Variants in MCC observed in about 807,000 individuals in gnomAD.
MCC encodes colorectal mutant cancer protein.
In MCC, 90 loss-of-function variants were observed where a neutral mutation model predicts 116.2. The observed-to-expected ratio is 0.77, with a 90% confidence interval of 0.65 to 0.92. MCC has a LOEUF of 0.92. Ranked by LOEUF, MCC falls within the 40% of genes least tolerant of loss-of-function variation. The probability of loss-of-function intolerance (pLI) is 0.00; values close to 1 mark genes in which losing one functional copy is unlikely to be tolerated. For missense variants in MCC, 1,516 were observed against 1,312.2 expected (o/e 1.16, Z -2.40); for synonymous variants, 578 against 510.5 (o/e 1.13, Z -1.78).
chr5:113,262,240 G>C (rs999257929), intron 3 of MCC, among the ~76,000 whole-genome samples: 1 of 151,970 alleles, frequency 6.6e-6, no homozygotes, highest in Non-Finnish European at 1.5e-5. Context: ...CAGATTGCTA[G>C]CAAAAGTAAT....
At chr5:113,061,902 A>C (rs1305186155) in intron 14 of MCC, among the ~76,000 whole-genome samples, 2 of 152,244 alleles carry the variant, frequency 1.3e-5, no homozygotes, top group Non-Finnish European at 2.9e-5. Context: ...CAGAATGGCA[A>C]GATTTACAAA....
intron 4 of MCC, among the ~76,000 whole-genome samples, chr5:113,143,644 C>T (rs193018789): frequency 4.6e-5 from 7 of 152,274 alleles, no homozygotes; most frequent in East Asian, 3.9e-4. Flanking sequence ...TATTCAAGTC[C>T]CCCACTTTCC....
intron 11 of MCC, among the ~76,000 whole-genome samples, chr5:113,075,741 C>T (rs985229088): frequency 7.2e-5 from 11 of 152,196 alleles, no homozygotes; most frequent in Non-Finnish European, 1.2e-4. Flanking sequence ...AGCAGCAACC[C>T]GCTCGGGTGC....
At chr5:113,281,776 T>C (rs1766055851) in intron 3 of MCC, among the ~76,000 whole-genome samples, 1 of 152,216 alleles carries the variant, frequency 6.6e-6, no homozygotes, top group Admixed American at 6.5e-5. Flanking sequence ...TCAGCATTCC[T>C]GCATATTGTT....
At chr5:113,419,280 C>T (rs1770248023) in intron 1 of MCC, among the ~76,000 whole-genome samples, 1 of 151,844 alleles carries the variant, frequency 6.6e-6, no homozygotes, top group African/African-American at 2.4e-5. Flanking sequence ...AAGGGATCCT[C>T]CCACCTTGGC....
At chr5:113,221,288 G>T (rs1194880686) in intron 3 of MCC, among the ~76,000 whole-genome samples, 1 of 152,218 alleles carries the variant, frequency 6.6e-6, no homozygotes, top group Non-Finnish European at 1.5e-5. Context: ...TGCAAAAATT[G>T]TAACTGAGAC....
chr5:113,481,759 A>T (rs1772384223), intron 1 of MCC, among the ~76,000 whole-genome samples: 1 of 152,208 alleles, frequency 6.6e-6, no homozygotes, highest in Non-Finnish European at 1.5e-5. Flanking sequence ...AAAATAAAAA[A>T]TAAATCTTTT....
At chr5:113,456,459 A>T (rs1465263252) in intron 1 of MCC, among the ~76,000 whole-genome samples, 3 of 151,856 alleles carry the variant, frequency 2.0e-5, no homozygotes. Flanking sequence ...TCTGATGAGC[A>T]CTACCCTTTT....
intron 3 of MCC, among the ~76,000 whole-genome samples, chr5:113,310,260 G>A (rs1286514140): frequency 6.6e-6 from 1 of 152,216 alleles, no homozygotes; most frequent in Non-Finnish European, 1.5e-5. Flanking sequence ...TGAATGGAGT[G>A]CTCTTTTGCT....
chr5:113,385,017 C>T lies in MCC; in HGVS notation c.366G>A (p.Lys122=). ...SAKSDNSCTK[K]LRDRIASWPT... ...GCCAGGAAGCAATTCTATCCCTCAGCTTCTTTGTACAGGAGTTGTCTGACT... is the reference window on the plus strand; with the variant it reads ...GCCAGGAAGCAATTCTATCCCTCAGTTTCTTTGTACAGGAGTTGTCTGACT... Residue 122 remains lysine, a synonymous_variant, in exon 2 of 19, where the codon AAG becomes AAA. Transcript: ENST00000408903. The T allele has an allele frequency of 6.2e-7, 1 of 1,614,228 alleles. No individual in the cohort carries two copies. The highest frequency in any genetic ancestry group is 8.5e-7 in the Non-Finnish European group (1 of 1,180,028).
intron 7 of MCC, among the ~76,000 whole-genome samples, chr5:113,103,383 C>G (rs533755491): frequency 6.6e-6 from 1 of 152,176 alleles, no homozygotes; most frequent in Non-Finnish European, 1.5e-5. Flanking sequence ...GAGGTTGGGG[C>G]TAGACCCAAG....
chr5:113,439,441 G>C (rs1019619814), intron 1 of MCC, among the ~76,000 whole-genome samples: 5 of 152,184 alleles, frequency 3.3e-5, no homozygotes, highest in Non-Finnish European at 5.9e-5. Flanking sequence ...AGAAATGAAT[G>C]AATATGGCCA....
chr5:113,340,779 C>G (rs752299610), intron 2 of MCC, 49 bp from the exon 3 acceptor site: 1 of 1,519,004 alleles, frequency 6.6e-7, no homozygotes, highest in African/African-American at 1.4e-5. Flanking sequence ...CCTTCATTAG[C>G]CTGTGGGTGG....
chr5:113,421,125 G>A (rs1013386079), intron 1 of MCC, among the ~76,000 whole-genome samples: 1 of 151,974 alleles, frequency 6.6e-6, no homozygotes, highest in Non-Finnish European at 1.5e-5. Context: ...CCAGGTTCAA[G>A]CGAGTCTCCT....
intron 1 of MCC, among the ~76,000 whole-genome samples, chr5:113,437,435 CTT>C: frequency 6.6e-6 from 1 of 152,302 alleles, no homozygotes; most frequent in Admixed American, 6.5e-5. Context: ...TGTTCTATGT[CTT>C]CCAAGGATAA....
chr5:113,054,384 TAA>T (rs1328011708), intron 14 of MCC, among the ~76,000 whole-genome samples: 13 of 152,172 alleles, frequency 8.5e-5, no homozygotes, highest in Admixed American at 8.5e-4. Flanking sequence ...GGACATAGGT[TAA>T]AAGATATTAT....
intron 3 of MCC, among the ~76,000 whole-genome samples, chr5:113,288,230 C>A (rs1056273845): frequency 4.7e-4 from 72 of 152,312 alleles, no homozygotes; most frequent in African/African-American, 1.4e-3. Context: ...AGCCTCGGCA[C>A]TCTGCAGCCC....
At chr5:113,301,256 G>A (rs1015729355) in intron 3 of MCC, among the ~76,000 whole-genome samples, 10 of 152,036 alleles carry the variant, frequency 6.6e-5, no homozygotes, top group African/African-American at 1.7e-4. Flanking sequence ...ACCCGAGGTC[G>A]GGAGTTCAAG....
At chr5:113,092,868 AT>A (rs1755735128) in intron 8 of MCC, among the ~76,000 whole-genome samples, 4 of 152,298 alleles carry the variant, frequency 2.6e-5, no homozygotes, top group Admixed American at 2.6e-4. Context: ...ATCCTGAGTA[AT>A]TCCCACCAGG....
Sources: gnomAD v4.1 joint callset for allele counts (sites outside exome capture counted in the v4.1 genomes callset) on GRCh38, gnomAD v4.1.1 for gene constraint, MANE v1.5 for transcripts, NCBI Gene and HGNC (gene_info 2026-07-23, HGNC 2026-07-21) for gene names.